Variants in AHNAK2 observed in about 807,000 individuals in gnomAD.
AHNAK2 encodes protein AHNAK2.
A neutral mutation model predicts 30.7 loss-of-function variants in AHNAK2; 18 were observed. That is an observed-to-expected ratio of 0.59 (90% CI 0.41 to 0.87). The LOEUF is 0.87. Among genes scored for constraint, AHNAK2 ranks in the 40% least tolerant of loss-of-function variants. The pLI is 0.00. For missense variants in AHNAK2, 8,604 were observed against 7,373.0 expected (o/e 1.17, Z -6.11); for synonymous variants, 3,590 against 3,073.8 (o/e 1.17, Z -5.56).
chr14:104,942,446 G>C lies in AHNAK2; in HGVS notation c.13005C>G (p.Pro4335=), dbSNP rs535631370. 6.2e-7 allele frequency: 1 copy of C among 1,613,092 alleles called. No homozygotes were observed. The highest frequency in any genetic ancestry group is 8.5e-7 in the Non-Finnish European group (1 of 1,179,584). Residue 4335 remains proline (P), a synonymous_variant, in exon 7 of 7, where the codon CCC becomes CCG. Transcript: ENST00000333244. The part of the protein sequence containing the change: ...ALKVEADVSL[P]SMQGDLKTTH... ...TGGTCTTCAGGTCCCCCTGCATGGAGGGGAGGCTCACGTCAGCCTCCACCT... is the reference window on the plus strand; with the variant it reads ...TGGTCTTCAGGTCCCCCTGCATGGACGGGAGGCTCACGTCAGCCTCCACCT...
In AHNAK2 at chr14:104,943,507, C is replaced by A. The variant is rs370368496; in HGVS notation, c.11944G>T (p.Ala3982Ser). ...GATGCCTCCATGGACTTGCCTGGGG[C>A]AGACACCCCGAACGACGGCATCTTG... ...KFKMPSFGVSAPGKSMEASVD... is the reference protein window; with the variant it reads ...KFKMPSFGVSSPGKSMEASVD... The change falls in exon 7 of 7, where the codon GCC becomes TCC. Residue 3982 changes from alanine (A) to serine (S), a missense_variant. Ala to Ser is a moderately conservative substitution (Grantham distance 99). Transcript: ENST00000333244. 28 of 1,613,248 alleles carry A rather than the reference C, an allele frequency of 1.7e-5. No individual in the cohort carries two copies. In the African/African-American group the frequency reaches 3.2e-4, roughly 18 times the overall value.
Position 104,950,716 on chromosome 14 carries a change from C to G in AHNAK2, c.4735G>C (p.Val1579Leu), listed in dbSNP as rs201305152. 410 of 1,586,806 alleles carry G rather than the reference C, an allele frequency of 2.6e-4. 30 individuals are homozygous for G. The highest frequency in any genetic ancestry group is 2.5e-3 in the African/African-American group (181 of 73,290). ...GGCATCTTGAAACTGGGCATCTGCA[C>G]TTTGGGCAGGTGCCCTTTGAGGCCG... is the stretch of plus-strand genomic sequence containing the variant. ...GAGLKGHLPK[V>L]QMPSFKMPKV... is the part of the protein sequence containing the mutation. Residue 1579 changes from valine (V) to leucine (L), a missense_variant, in exon 7 of 7, where the codon GTG becomes CTG. Val to Leu is a conservative substitution (Grantham distance 32). Transcript: ENST00000333244.
chr14:104,967,912 C>T (rs1459795942), intron 1 of AHNAK2, among the ~76,000 whole-genome samples: 11 of 152,242 alleles, frequency 7.2e-5, no homozygotes, highest in Admixed American at 2.0e-4. Context: ...GAGGAAGCCC[C>T]GCCTCGGCCG....
Position 104,952,393 on chromosome 14 carries a change from A to C in AHNAK2, c.3058T>G (p.Leu1020Val). Reference protein sequence around the residue: ...VSAPGKSIKALVDVSAPKVEA... With the variant: ...VSAPGKSIKAVVDVSAPKVEA... Reference sequence around the variant, plus strand: ...ACCTTGGGTGCAGACACATCCACCAAGGCCTTGATGGACTTCCCTGGGGCC... The same window carrying C: ...ACCTTGGGTGCAGACACATCCACCACGGCCTTGATGGACTTCCCTGGGGCC... The change falls in exon 7 of 7, where the codon TTG (leucine) becomes GTG (valine). Residue 1020 changes from leucine (L) to valine (V), a missense_variant. Leu to Val is a conservative substitution (Grantham distance 32). Transcript: ENST00000333244. 6.2e-7 allele frequency: 1 copy of C among 1,603,448 alleles called. No homozygotes were observed. Among genetic ancestry groups the C allele is most frequent in the Non-Finnish European group, 8.5e-7 (1 of 1,178,176 alleles).
intron 1 of AHNAK2, among the ~76,000 whole-genome samples, chr14:104,958,454 G>GA (rs1010109004): frequency 1.5e-4 from 21 of 143,142 alleles, no homozygotes; most frequent in South Asian, 2.2e-4. Flanking sequence ...GTCTCAAAAA[G>GA]AAAAAAAAAA....
Position 104,946,932 on chromosome 14 carries a change from T to C in AHNAK2, c.8519A>G (p.Glu2840Gly). Reference sequence around the variant, plus strand: ...GCTCCCGTCAGCTTCCACCTTCAGCTCAGACACATCCACCGAGGCCTCGAT... The same window carrying C: ...GCTCCCGTCAGCTTCCACCTTCAGCCCAGACACATCCACCGAGGCCTCGAT... ...KSIEASVDVS[E>G]LKVEADGSFP... The change falls in exon 7 of 7, where the codon GAG becomes GGG. Residue 2840 changes from glutamate (E) to glycine (G), a missense_variant. By Grantham distance (98) the Glu-to-Gly change is moderately conservative (BLOSUM62 -2). Coordinates refer to ENST00000333244, the MANE Select transcript of AHNAK2 (RefSeq NM_138420.4). 2.1e-5 allele frequency: 34 copies of C among 1,610,258 alleles called. No homozygotes were observed. The highest frequency in any genetic ancestry group is 2.9e-5 in the Non-Finnish European group (34 of 1,178,854).
rs535761021 is a variant in AHNAK2 at position 104,971,167 on chromosome 14, T to G, written c.55+7016A>C. Among the ~76,000 whole-genome samples the G allele has an allele frequency of 3.9e-5, 6 of 152,236 alleles. No homozygotes were observed. The East Asian group carries it at 1.2e-3, about 29-fold the overall frequency. ...GGTCTCTCTCTCACCCAGGTTGGAGTGCAGTGGTGCGATCATGGCTCACTG... is the reference window on the plus strand; with the variant it reads ...GGTCTCTCTCTCACCCAGGTTGGAGGGCAGTGGTGCGATCATGGCTCACTG... On this transcript the variant is annotated intron_variant, in intron 1 of 6. Transcript: ENST00000333244.
rs1228150202 is a variant in AHNAK2, at chr14:104,950,585, G to A, written c.4866C>T (p.Ser1622=). 51 of 1,586,894 alleles carry A rather than the reference G, an allele frequency of 3.2e-5. 5 individuals carry two copies. Among genetic ancestry groups the A allele is most frequent in the Non-Finnish European group, 4.1e-5 (48 of 1,162,836 alleles). Residue 1622 remains serine (S), a synonymous_variant, in exon 7 of 7, where the codon TCC becomes TCT. Coordinates refer to ENST00000333244, the MANE Select transcript of AHNAK2 (RefSeq NM_138420.4). ...VTAPDVKMSL[S]SMEVDVQAPR... ...GGGCCTGGACGTCCACCTCCATGCT[G>A]GACAGAGACATCTTCACATCGGGGG...
In AHNAK2 at chr14:104,954,844, C is replaced by A; in HGVS notation, c.652-45G>T. The A allele has an allele frequency of 2.0e-6, 3 of 1,537,306 alleles. No homozygotes were observed. Among genetic ancestry groups the A allele is most frequent in the Non-Finnish European group, 2.6e-6 (3 of 1,145,444 alleles). On this transcript the variant is annotated intron_variant, in intron 6 of 6. Transcript: ENST00000333244. The surrounding 1 kb of genome is among the most constrained non-coding windows in gnomAD (Gnocchi z 4.3). The stretch of plus-strand genomic sequence containing the variant: ...AATCTGTTGGTGCCAGTCCAAGAAG[C>A]CTGGGGCCCTGGCCCAGGGACAGAT...
Position 104,941,249 on chromosome 14 carries a change from A to G in AHNAK2, c.14202T>C (p.Ile4734=), listed in dbSNP as rs746710046. 5 of 1,613,672 alleles carry G rather than the reference A, an allele frequency of 3.1e-6. No individual in the cohort carries two copies. In the Admixed American group the frequency reaches 6.7e-5, roughly 22 times the overall value. The part of the protein sequence containing the change: ...GAKSSIGLST[I]PLSSSECSSF... ...TTGAGCATTCTGAAGATGATAAAGGAATCGTGGAAAGACCTATGCTAGACT... is the reference window on the plus strand; with the variant it reads ...TTGAGCATTCTGAAGATGATAAAGGGATCGTGGAAAGACCTATGCTAGACT... The change falls in exon 7 of 7, where the codon ATT becomes ATC. Residue 4734 remains isoleucine, a synonymous_variant. Coordinates refer to ENST00000333244, the MANE Select transcript of AHNAK2 (RefSeq NM_138420.4).
At position 104,942,418 on chromosome 14, in the gene AHNAK2, G is replaced by A; in HGVS notation, c.13033C>T (p.His4345Tyr). Residue 4345 changes from histidine to tyrosine, a missense_variant, in exon 7 of 7, where the codon CAC becomes TAC. By Grantham distance (83) the His-to-Tyr change is moderately conservative. Transcript: ENST00000333244. ...PSMQGDLKTT[H>Y]LSIQPPSADL... ...GCGGAAGGGGGCTGAATGCTGAGGTGAGTGGTCTTCAGGTCCCCCTGCATG... is the reference window on the plus strand; with the variant it reads ...GCGGAAGGGGGCTGAATGCTGAGGTAAGTGGTCTTCAGGTCCCCCTGCATG... 6.2e-7 allele frequency: 1 copy of A among 1,606,612 alleles called. No homozygotes were observed. The highest frequency in any genetic ancestry group is 1.4e-5 in the African/African-American group (1 of 73,530).
rs1400559917 is a variant in AHNAK2, at chr14:104,942,675, A to C, written c.12776T>G (p.Val4259Gly). ...KADVMTPVVE[V>G]SLPSMEVDVE... ...GTCCACCTCCATGCTGGGCAGAGAC[A>C]CCTCCACGACGGGGGTCATCACATC... Residue 4259 changes from valine (V) to glycine (G), a missense_variant, in exon 7 of 7, where the codon GTG (valine) becomes GGG (glycine). Transcript: ENST00000333244. 1 of 1,613,018 alleles carries C rather than the reference A, an allele frequency of 6.2e-7. No homozygotes were observed. Among genetic ancestry groups the C allele is most frequent in the Non-Finnish European group, 8.5e-7 (1 of 1,179,592 alleles).
At position 104,944,574 on chromosome 14, in the gene AHNAK2, A is replaced by G; in HGVS notation, c.10877T>C (p.Leu3626Pro). The G allele has an allele frequency of 6.2e-7, 1 of 1,613,166 alleles. No individual in the cohort carries two copies. Among genetic ancestry groups the G allele is most frequent in the Non-Finnish European group, 8.5e-7 (1 of 1,179,620 alleles). ...TTTGGCAGTCACGTCCTTGTCAGCC[A>G]GGGACAGGTCTCCCTCCAGCCGCCC... is the stretch of plus-strand genomic sequence containing the variant. The part of the protein sequence containing the change: ...DAGRLEGDLS[L>P]ADKDVTAKDS... The change falls in exon 7 of 7, where the codon CTG (leucine) becomes CCG (proline). Residue 3626 changes from leucine (L) to proline (P), a missense_variant. By Grantham distance (98) the Leu-to-Pro change is moderately conservative. Coordinates refer to ENST00000333244, the MANE Select transcript of AHNAK2 (RefSeq NM_138420.4).
chr14:104,972,496 AC>A (rs1899493877), intron 1 of AHNAK2, among the ~76,000 whole-genome samples: 1 of 151,754 alleles, frequency 6.6e-6, no homozygotes, highest in African/African-American at 2.4e-5. Context: ...CACAGCACTG[AC>A]CCCCGCAAGA....
At position 104,966,825 on chromosome 14, in the gene AHNAK2, G is replaced by T. The variant is rs943091977; in HGVS notation, c.56-9153C>A. ...GGAATCTGGCCAGAGCCTGCCCACC[G>T]CTAAGCCAAGGGCAATGGCAGGTAA... On this transcript the variant is annotated intron_variant, in intron 1 of 6. Transcript: ENST00000333244. The surrounding 1 kb of genome is among the most constrained non-coding windows in gnomAD (Gnocchi z 4.3). Among the ~76,000 whole-genome samples, 2 of 152,228 alleles carry T rather than the reference G, an allele frequency of 1.3e-5. No individual in the cohort carries two copies. The highest frequency in any genetic ancestry group is 4.8e-5 in the African/African-American group (2 of 41,466).
rs150322575 is a variant in AHNAK2 at position 104,952,445 on chromosome 14, C to T, written c.3006G>A (p.Lys1002=). ...TAKDSKFKMP[K]FKMPSFGVSA... ...ATACCCCGAACGACGGCATCTTGAA[C>T]TTGGGCATTTTGAACTTGCTGTCTT... The change falls in exon 7 of 7, where the codon AAG becomes AAA. Residue 1002 remains lysine, a synonymous_variant. Coordinates refer to ENST00000333244, the MANE Select transcript of AHNAK2 (RefSeq NM_138420.4). The T allele has an allele frequency of 5.3e-5, 86 of 1,612,812 alleles. No individual in the cohort carries two copies. The highest frequency in any genetic ancestry group is 5.0e-4 in the Middle Eastern group (3 of 6,056).
In AHNAK2 at chr14:104,939,735, C is replaced by G; in HGVS notation, c.15716G>C (p.Gly5239Ala). 6.2e-7 allele frequency: 1 copy of G among 1,613,860 alleles called. No individual in the cohort carries two copies. Among genetic ancestry groups the G allele is most frequent in the Non-Finnish European group, 8.5e-7 (1 of 1,179,892 alleles). ...GGACATAGCTGCCTCCACGTTTGAC[C>G]CAGAAACAAGGAACTCTTTGACTTT... The part of the protein sequence containing the change: ...AAKVKEFLVS[G>A]SNVEAAMSLQ... Residue 5239 changes from glycine to alanine, a missense_variant, in exon 7 of 7, where the codon GGG becomes GCG. Coordinates refer to ENST00000333244, the MANE Select transcript of AHNAK2 (RefSeq NM_138420.4).
chr14:104,954,841 A>G lies in AHNAK2; in HGVS notation c.652-42T>C, dbSNP rs1192445046. ...GGGAATCTGTTGGTGCCAGTCCAAG[A>G]AGCCTGGGGCCCTGGCCCAGGGACA... On this transcript the variant is annotated intron_variant, in intron 6 of 6. Transcript: ENST00000333244. The surrounding 1 kb of genome is among the most constrained non-coding windows in gnomAD (Gnocchi z 4.3). The G allele has an allele frequency of 2.6e-6, 4 of 1,538,674 alleles. No homozygotes were observed. In the African/African-American group the frequency reaches 5.5e-5, roughly 21 times the overall value.
intron 1 of AHNAK2, 120 bp downstream of exon 1, chr14:104,978,063 G>A (rs1168095511): frequency 3.7e-6 from 3 of 810,860 alleles, no homozygotes; most frequent in Non-Finnish European, 4.8e-6. Context: ...TCCCGCAGGC[G>A]TCTCCGAGTC....
Sources: allele counts gnomAD v4.1 joint callset (sites outside exome capture counted in the v4.1 genomes callset), GRCh38; gene constraint gnomAD v4.1.1; non-coding constraint Gnocchi (gnomAD v3.1); transcripts MANE v1.5; gene names NCBI Gene and HGNC (gene_info 2026-07-23, HGNC 2026-07-21).